PDE3A: variants seen among roughly 807,000 people sequenced by gnomAD.
PDE3A encodes the protein cGMP-inhibited 3',5'-cyclic phosphodiesterase 3A.
Under a neutral mutation model 98.3 loss-of-function variants are expected in PDE3A, and 43 were observed. The observed-to-expected ratio is 0.44, with a 90% CI of 0.34 to 0.56. The LOEUF is 0.56. Ranked by LOEUF, PDE3A falls within the 20% of genes least tolerant of loss-of-function variation. The pLI is 0.01. For synonymous variants in PDE3A, 663 were observed against 567.9 expected, an observed-to-expected ratio of 1.17 and a Z score of -2.38; for missense variants, 1,427 against 1,440.7, an observed-to-expected ratio of 0.99 and a Z score of 0.15.
intron 1 of PDE3A, among the ~76,000 whole-genome samples, chr12:20,422,685 T>G (rs1944540170): frequency 1.3e-5 from 2 of 152,198 alleles, no homozygotes; most frequent in South Asian, 4.1e-4. Flanking sequence ...CATATAGACT[T>G]AGTGTATCAT....
chr12:20,442,870 A>G (rs974275868), intron 1 of PDE3A, among the ~76,000 whole-genome samples: 9 of 152,312 alleles, frequency 5.9e-5, no homozygotes, highest in African/African-American at 1.4e-4. Context: ...TGTTAAAACT[A>G]TATCGTTCAT....
At chr12:20,557,062 G>A (rs1053133713) in intron 2 of PDE3A, 3 of 233,958 alleles carry the variant, frequency 1.3e-5, no homozygotes, top group Non-Finnish European at 2.4e-5. Context: ...TCAGCTTCCT[G>A]TTTTTGGTTA....
rs139601171 is a variant in PDE3A, at chr12:20,420,338, A to C, written c.960+50094A>C. Reference sequence around the variant, plus strand: ...CTATAAATCCGATCTCCACGCTCTAAACTCAGTCAAGTCTCGAGCTCATGA... The same window carrying C: ...CTATAAATCCGATCTCCACGCTCTACACTCAGTCAAGTCTCGAGCTCATGA... On this transcript the variant is annotated intron_variant, in intron 1 of 15. Transcript: ENST00000359062. Among the ~76,000 whole-genome samples, 997 of 152,270 alleles carry C rather than the reference A, an allele frequency of 6.5e-3. 4 individuals are homozygous for C. Among genetic ancestry groups the C allele is most frequent in the Non-Finnish European group, 0.012 (800 of 68,020 alleles).
intron 1 of PDE3A, among the ~76,000 whole-genome samples, chr12:20,502,640 G>C (rs1051166508): frequency 6.6e-6 from 1 of 152,108 alleles, no homozygotes; most frequent in African/African-American, 2.4e-5. Flanking sequence ...CTGAAAAAGT[G>C]AGTGACTATA....
chr12:20,662,614 G>T (rs1050542431), intron 15 of PDE3A, among the ~76,000 whole-genome samples: 1 of 152,184 alleles, frequency 6.6e-6, no homozygotes, highest in Admixed American at 6.5e-5. Context: ...ATGATTTAGG[G>T]TATCTGGCCG....
chr12:20,656,554 A>T (rs928421096), intron 15 of PDE3A, among the ~76,000 whole-genome samples: 5 of 152,240 alleles, frequency 3.3e-5, no homozygotes, highest in Non-Finnish European at 7.3e-5. Flanking sequence ...ATTTGTACTA[A>T]TCTTGAGATT....
Position 20,477,276 on chromosome 12 carries a change from A to G in PDE3A, c.961-79384A>G, listed in dbSNP as rs549784005. ...TTGCCTGTGAAATCTGGCGCTGCTA[A>G]AAGAAAAATATGAGATAATATTTTA... On this transcript the variant is annotated intron_variant, in intron 1 of 15. Transcript: ENST00000359062. Among the ~76,000 whole-genome samples, 18 of 152,324 alleles carry G rather than the reference A, an allele frequency of 1.2e-4. No homozygotes were observed. The South Asian group carries it at 3.7e-3, about 32-fold the overall frequency.
intron 15 of PDE3A, among the ~76,000 whole-genome samples, chr12:20,674,848 T>C (rs113155482): frequency 0.036 from 5,466 of 152,164 alleles, 116 homozygotes; most frequent in Middle Eastern, 0.071. Flanking sequence ...TCTTGGTTAG[T>C]CTAGCTAGTG....
At chr12:20,497,561 A>T (rs1179091782) in intron 1 of PDE3A, among the ~76,000 whole-genome samples, 1 of 151,838 alleles carries the variant, frequency 6.6e-6, no homozygotes, top group African/African-American at 2.4e-5. Context: ...AGAAAACATA[A>T]TAATTCTAAC....
chr12:20,369,243 C>CG lies in PDE3A; in HGVS notation c.-36dup, dbSNP rs753805198. ...CGCGCGTGGGTCGGGGCGGGGGCGTCGGGGGGCCACTGGGAATTCAGTGAA... is the reference window on the plus strand; with the variant it reads ...CGCGCGTGGGTCGGGGCGGGGGCGTCGGGGGGGCCACTGGGAATTCAGTGAA... On this transcript the variant is annotated 5_prime_UTR_variant, in exon 1 of 16. Coordinates refer to ENST00000359062, the MANE Select transcript of PDE3A (RefSeq NM_000921.5). 2.3e-5 allele frequency: 32 copies of CG among 1,417,076 alleles called. No individual in the cohort carries two copies. Among genetic ancestry groups the CG allele is most frequent in the African/African-American group, 2.9e-5 (2 of 69,100 alleles). The allele number at this position is 1,417,076 out of a possible 1,614,324, so 87.8% of individuals were successfully genotyped here.
intron 2 of PDE3A, among the ~76,000 whole-genome samples, chr12:20,585,243 T>G (rs1033152750): frequency 6.6e-6 from 1 of 152,228 alleles, no homozygotes; most frequent in South Asian, 2.1e-4. Flanking sequence ...CAGCTACTAA[T>G]GACCTTTTGT....
At chr12:20,419,640 C>T (rs1944478643) in intron 1 of PDE3A, among the ~76,000 whole-genome samples, 1 of 151,378 alleles carries the variant, frequency 6.6e-6, no homozygotes, top group Non-Finnish European at 1.5e-5. Flanking sequence ...ATATTAAATT[C>T]TCATATAACT....
At chr12:20,509,087 C>T (rs902890310) in intron 1 of PDE3A, among the ~76,000 whole-genome samples, 2 of 151,876 alleles carry the variant, frequency 1.3e-5, no homozygotes, top group African/African-American at 2.4e-5. Context: ...TGACATTGTG[C>T]GTCATCAAGA....
At chr12:20,390,968 C>A (rs1268166988) in intron 1 of PDE3A, among the ~76,000 whole-genome samples, 3 of 151,816 alleles carry the variant, frequency 2.0e-5, no homozygotes, top group Non-Finnish European at 4.4e-5. Flanking sequence ...ACTCTTGGTG[C>A]TGAATCCTAC....
At chr12:20,448,992 T>C (rs1052511404) in intron 1 of PDE3A, among the ~76,000 whole-genome samples, 6 of 152,224 alleles carry the variant, frequency 3.9e-5, no homozygotes, top group Non-Finnish European at 8.8e-5. Context: ...TCCATTAAAG[T>C]ACATTAATCC....
chr12:20,493,637 C>CT (rs61072933), intron 1 of PDE3A, among the ~76,000 whole-genome samples: 32 of 148,854 alleles, frequency 2.1e-4, no homozygotes, highest in South Asian at 1.1e-3. Context: ...AACTACTTTT[C>CT]TTTTTTTTTT....
intron 1 of PDE3A, among the ~76,000 whole-genome samples, chr12:20,439,058 G>A (rs1446507330): frequency 6.6e-6 from 1 of 152,118 alleles, no homozygotes; most frequent in African/African-American, 2.4e-5. Flanking sequence ...CCCTTTCAGA[G>A]TGCTGGGATT....
intron 1 of PDE3A, among the ~76,000 whole-genome samples, chr12:20,415,361 TC>T (rs1174329270): frequency 6.6e-6 from 1 of 152,010 alleles, no homozygotes; most frequent in East Asian, 1.9e-4. Flanking sequence ...GATAAAGTAT[TC>T]AGTTCACTCG....
rs956351607 is a variant in PDE3A at position 20,688,304 on chromosome 12, T to C, written c.*8033T>C. Among the ~76,000 whole-genome samples, 2 of 151,994 alleles carry C rather than the reference T, an allele frequency of 1.3e-5. No individual in the cohort carries two copies. Among genetic ancestry groups the C allele is most frequent in the East Asian group, 1.9e-4 (1 of 5,188 alleles). On this transcript the variant is annotated 3_prime_UTR_variant, in exon 16 of 16. Coordinates refer to ENST00000359062, the MANE Select transcript of PDE3A (RefSeq NM_000921.5). ...ACTTAGTATCATCCCATCACAAGTA[T>C]TGTTAGGCGACTTAGTGGCGGAGAA...
Sources: gnomAD v4.1 joint callset for allele counts (sites outside exome capture counted in the v4.1 genomes callset) on GRCh38, gnomAD v4.1.1 for gene constraint, MANE v1.5 for transcripts, NCBI Gene and HGNC (gene_info 2026-07-23, HGNC 2026-07-21) for gene names.